ADGRE1: variants seen among roughly 807,000 people sequenced by gnomAD.
The protein encoded by ADGRE1 is adhesion G protein-coupled receptor E1.
Under a neutral mutation model 102.7 loss-of-function variants are expected in ADGRE1, and 82 were observed. The observed-to-expected ratio is 0.80, with a 90% CI of 0.67 to 0.96. The LOEUF (loss-of-function observed/expected upper bound fraction) is 0.96. ADGRE1 is among the 40% of genes least tolerant of loss of function. The pLI is 0.00. For synonymous variants in ADGRE1, 398 were observed against 399.6 expected (o/e 1.00, Z 0.05); for missense variants, 1,032 against 1,085.3 (o/e 0.95, Z 0.69).
chr19:6,897,391 A>G, intron 4 of ADGRE1, 37 bp from the exon 5 acceptor site: 2 of 1,598,400 alleles, frequency 1.3e-6, no homozygotes, highest in Non-Finnish European at 1.7e-6. Context: ...GAGGCACCCA[A>G]TTTCTTATCT....
At chr19:6,914,624 T>G (rs1447544976) in intron 11 of ADGRE1, among the ~76,000 whole-genome samples, 1 of 152,220 alleles carries the variant, frequency 6.6e-6, no homozygotes, top group African/African-American at 2.4e-5. Flanking sequence ...AAGTATTTGG[T>G]GGACTCCAAC....
intron 9 of ADGRE1, among the ~76,000 whole-genome samples, chr19:6,906,838 C>G (rs1011889379): frequency 1.3e-5 from 2 of 151,538 alleles, no homozygotes; most frequent in Admixed American, 1.3e-4. Flanking sequence ...TCTCTTTAAG[C>G]GTATGACCCA....
intron 13 of ADGRE1, among the ~76,000 whole-genome samples, chr19:6,920,227 GCTT>G (rs1185426616): frequency 6.7e-6 from 1 of 149,270 alleles, no homozygotes; most frequent in East Asian, 1.9e-4. Flanking sequence ...TGTGGTGGTT[GCTT>G]CTTTTTTTTT....
chr19:6,896,535 T>C lies in ADGRE1; in HGVS notation c.232T>C (p.Cys78Arg). 5 of 1,614,076 alleles carry C rather than the reference T, an allele frequency of 3.1e-6. No homozygotes were observed. The highest frequency in any genetic ancestry group is 4.2e-6 in the Non-Finnish European group (5 of 1,179,950). Residue 78 changes from cysteine to arginine, a missense_variant, in exon 3 of 21, where the codon TGC becomes CGC. Physicochemically the swap from Cys to Arg is radical, Grantham distance 180 (BLOSUM62 -3). Coordinates refer to ENST00000312053, the MANE Select transcript of ADGRE1 (RefSeq NM_001974.5). ...TCACTTCAAGGATCCAGGAGTGCGA[T>C]GCAAAGGTGAGTTCATGTCCCCTCA... ...QNHFKDPGVR[C>R]KDIDECSQSP...
chr19:6,939,906 T>C (rs1200096400), intron 20 of ADGRE1, 118 bp from the exon 21 acceptor site: 5 of 1,177,050 alleles, frequency 4.2e-6, no homozygotes, highest in African/African-American at 1.5e-5. Flanking sequence ...TTAGTGTTTA[T>C]CCTTCTAGTC....
intron 18 of ADGRE1, among the ~76,000 whole-genome samples, chr19:6,937,042 G>T (rs544377462): frequency 8.5e-5 from 13 of 152,278 alleles, no homozygotes; most frequent in Admixed American, 8.5e-4. Flanking sequence ...ACAGGCTTGA[G>T]CCACCGCACC....
At chr19:6,936,626 G>GTTT (rs34730751) in intron 18 of ADGRE1, among the ~76,000 whole-genome samples, 1 of 127,648 alleles carries the variant, frequency 7.8e-6, no homozygotes, top group East Asian at 2.3e-4. Flanking sequence ...GCAAATCCTT[G>GTTT]TTTTTTTTTT....
chr19:6,902,105 A>G, intron 6 of ADGRE1, 84 bp downstream of exon 6: 1 of 1,525,796 alleles, frequency 6.6e-7, no homozygotes. Flanking sequence ...GTCTTGGTTG[A>G]GTTTGAGACT....
At chr19:6,904,523 T>C (rs1973883883) in intron 8 of ADGRE1, among the ~76,000 whole-genome samples, 1 of 150,298 alleles carries the variant, frequency 6.7e-6, no homozygotes, top group African/African-American at 2.5e-5. Flanking sequence ...AACAAAAAAG[T>C]GTGCTTTTTT....
intron 20 of ADGRE1, among the ~76,000 whole-genome samples, chr19:6,938,745 G>A (rs1975542627): frequency 6.6e-6 from 1 of 151,282 alleles, no homozygotes. Context: ...GAAGTCCAGT[G>A]AGGTAGGTAT....
In ADGRE1 at chr19:6,935,281, T is replaced by C. The variant is rs555102385; in HGVS notation, c.2381+203T>C. ...GCTGTGTGACCTTAGGCAAGTTACG[T>C]AACCTCTCAGAAGCCCATTTGCCTC... On this transcript the variant is annotated intron_variant, in intron 18 of 20. Coordinates refer to ENST00000312053, the MANE Select transcript of ADGRE1 (RefSeq NM_001974.5). 2.3e-4 allele frequency among the ~76,000 whole-genome samples: 35 copies of C among 152,172 alleles called. 1 individual carries two copies. The highest frequency in any genetic ancestry group is 8.2e-4 in the African/African-American group (34 of 41,534).
chr19:6,898,542 G>A (rs1973655053), intron 5 of ADGRE1: 2 of 1,531,334 alleles, frequency 1.3e-6, no homozygotes, highest in Non-Finnish European at 9.0e-7. Context: ...CTGAACTGAG[G>A]CACCCAATTT....
chr19:6,921,953 A>G, intron 14 of ADGRE1, 70 bp downstream of exon 14: 1 of 1,522,914 alleles, frequency 6.6e-7, no homozygotes, highest in Admixed American at 1.9e-5. Flanking sequence ...ATATTGATTA[A>G]ACATCTGTTG....
intron 17 of ADGRE1, among the ~76,000 whole-genome samples, chr19:6,933,385 C>CTTTTTTT (rs34493324): frequency 0.01 from 1,320 of 129,778 alleles, 34 homozygotes; most frequent in African/African-American, 0.037. Context: ...AGTGTGAAGA[C>CTTTTTTT]TTTTTTTTTT....
chr19:6,921,618 C>A, intron 13 of ADGRE1, 95 bp from the exon 14 acceptor site: 1 of 1,374,560 alleles, frequency 7.3e-7, no homozygotes, highest in Non-Finnish European at 9.7e-7. Flanking sequence ...CCTGTGTATT[C>A]TTGTTCCCAG....
intron 2 of ADGRE1, chr19:6,895,145 C>T (rs928154258): frequency 6.6e-6 from 1 of 152,268 alleles, no homozygotes; most frequent in African/African-American, 2.4e-5. Context: ...AGGCGTGAGC[C>T]TCATCCCCGT....
chr19:6,898,817 T>A (rs1973665162), intron 5 of ADGRE1: 1 of 428,974 alleles, frequency 2.3e-6, no homozygotes, highest in Non-Finnish European at 4.2e-6. Flanking sequence ...AAATATATAG[T>A]TGCCTATATA....
intron 2 of ADGRE1, among the ~76,000 whole-genome samples, chr19:6,891,555 G>A (rs933417127): frequency 3.3e-5 from 5 of 151,430 alleles, no homozygotes; most frequent in South Asian, 4.2e-4. Context: ...CCAGGTTCAC[G>A]CCATTCTCCT....
rs532705738 is a variant in ADGRE1 at position 6,888,801 on chromosome 19, AG to A, written c.31+1164del. 6.0e-4 allele frequency among the ~76,000 whole-genome samples: 91 copies of A among 152,354 alleles called. 2 individuals carry two copies. In the South Asian group the frequency reaches 0.019, roughly 32 times the overall value. On this transcript the variant is annotated intron_variant, in intron 1 of 20. Transcript: ENST00000312053. ...AGATCTGTGGGACTTGTTGACTGGCAGGCTACATTAGAAGAAATAGGTGGCC... is the reference window on the plus strand; with the variant it reads ...AGATCTGTGGGACTTGTTGACTGGCAGCTACATTAGAAGAAATAGGTGGCC...
Sources: gnomAD v4.1 joint callset for allele counts (sites outside exome capture counted in the v4.1 genomes callset) on GRCh38, gnomAD v4.1.1 for gene constraint, MANE v1.5 for transcripts, NCBI Gene and HGNC (gene_info 2026-07-23, HGNC 2026-07-21) for gene names.